ZNF469: variants seen among roughly 807,000 people sequenced by gnomAD.
ZNF469 encodes the protein zinc finger protein 469.
A neutral mutation model predicts 1.0 loss-of-function variants in ZNF469; 1 was observed. The observed-to-expected ratio is 1.00, with a 90% CI of 0.35 to 4.73. The LOEUF is 4.73. Among genes scored for constraint, ZNF469 ranks in the 30% most tolerant of loss-of-function variants. The pLI, the probability that ZNF469 is intolerant of heterozygous loss-of-function variation, is 0.16. For missense variants in ZNF469, 6,100 were observed against 5,356.3 expected (o/e 1.14, Z -4.33); for synonymous variants, 2,703 against 2,363.4 (o/e 1.14, Z -4.17).
chr16:88,275,213 C>T, the ZNF469 span, among the ~76,000 whole-genome samples: 1,267 of 152,286 alleles, frequency 8.3e-3, 21 homozygotes, highest in African/African-American at 0.029. Flanking sequence ...GCTGACAGTC[C>T]GAACGATCCT....
chr16:88,130,675 C>T, the ZNF469 span, among the ~76,000 whole-genome samples: 1 of 148,894 alleles, frequency 6.7e-6, no homozygotes, highest in Non-Finnish European at 1.5e-5. Flanking sequence ...CATTGCACTC[C>T]AGCCTGGGCC....
At chr16:88,148,614 G>A in the ZNF469 span, among the ~76,000 whole-genome samples, 1 of 152,150 alleles carries the variant, frequency 6.6e-6, no homozygotes, top group Non-Finnish European at 1.5e-5. Flanking sequence ...CAGGTCACTG[G>A]TGTCCTTGAG....
At chr16:88,301,676 A>T in the ZNF469 span, among the ~76,000 whole-genome samples, 1 of 152,146 alleles carries the variant, frequency 6.6e-6, no homozygotes, top group East Asian at 1.9e-4. Flanking sequence ...TGGTCATGAG[A>T]TGCCGTCCCT....
chr16:88,131,505 G>A, the ZNF469 span, among the ~76,000 whole-genome samples: 1 of 104,846 alleles, frequency 9.5e-6, no homozygotes, highest in African/African-American at 4.6e-5. Context: ...TCTCGGCGCT[G>A]CCTTCCCGGG....
the ZNF469 span, among the ~76,000 whole-genome samples, chr16:88,295,979 G>A: frequency 1.3e-5 from 2 of 152,174 alleles, no homozygotes; most frequent in Admixed American, 1.3e-4. Flanking sequence ...CTTGGATGTC[G>A]CGCCATCCCT....
At chr16:88,254,532 C>T in the ZNF469 span, among the ~76,000 whole-genome samples, 2 of 152,022 alleles carry the variant, frequency 1.3e-5, no homozygotes, top group Non-Finnish European at 2.9e-5. Context: ...CCGAGGTGGG[C>T]AGATCACTCG....
the ZNF469 span, among the ~76,000 whole-genome samples, chr16:88,284,031 C>CTGAGGTCTGT: frequency 5.7e-5 from 4 of 70,384 alleles, no homozygotes; most frequent in African/African-American, 3.1e-4. Flanking sequence ...CCAGTGTGTC[C>CTGAGGTCTGT]GGAGTGCCTG....
the ZNF469 span, among the ~76,000 whole-genome samples, chr16:88,128,598 T>C: frequency 0.8 from 120,926 of 152,104 alleles, 49,285 homozygotes; most frequent in Middle Eastern, 0.9. Flanking sequence ...AGCCCACAGC[T>C]CAGACAAGAG....
At chr16:88,307,014 C>T in the ZNF469 span, among the ~76,000 whole-genome samples, 5 of 152,230 alleles carry the variant, frequency 3.3e-5, no homozygotes, top group African/African-American at 1.2e-4. Flanking sequence ...CCCCCTACTT[C>T]TACCCCGGTC....
chr16:88,418,235 C>G (rs949698373), intron 1 of ZNF469, among the ~76,000 whole-genome samples: 1 of 152,142 alleles, frequency 6.6e-6, no homozygotes, highest in Non-Finnish European at 1.5e-5. Context: ...TCTACAGAGC[C>G]GGGACCAACA....
the ZNF469 span, among the ~76,000 whole-genome samples, chr16:88,358,048 C>CT: frequency 6.6e-6 from 1 of 152,234 alleles, no homozygotes; most frequent in Admixed American, 6.5e-5. Context: ...ACGCGGGGGG[C>CT]TGGGCCAGAT....
At chr16:88,192,616 G>C in the ZNF469 span, among the ~76,000 whole-genome samples, 1 of 152,296 alleles carries the variant, frequency 6.6e-6, no homozygotes, top group Non-Finnish European at 1.5e-5. Context: ...AGTCACACAT[G>C]ATGAGGACAG....
chr16:88,418,592 T>C (rs1905367017), intron 1 of ZNF469, among the ~76,000 whole-genome samples: 2 of 151,594 alleles, frequency 1.3e-5, no homozygotes, highest in Non-Finnish European at 2.9e-5. Flanking sequence ...TCATTTTCTT[T>C]CCCCATGTGC....
In ZNF469 at chr16:88,433,071, C is replaced by A. The variant is rs1230506810; in HGVS notation, c.5601C>A (p.Ala1867=). 1.9e-6 allele frequency: 3 copies of A among 1,550,152 alleles called. No individual in the cohort carries two copies. In the Admixed American group the frequency reaches 5.9e-5, roughly 30 times the overall value. Residue 1867 remains alanine, a synonymous_variant, in exon 3 of 3, where the codon GCC becomes GCA. Transcript: ENST00000565624. The part of the protein sequence containing the change: ...FAPAGASSLT[A]PRGREAWLVP... ...CGGCGGGGGCCTCCTCACTGACTGC[C>A]CCCCGGGGCAGGGAGGCTTGGTTGG... is the stretch of plus-strand genomic sequence containing the variant.
chr16:88,431,295 C>A lies in ZNF469; in HGVS notation c.3825C>A (p.Thr1275=), dbSNP rs1239071722. ...PEQPPPSRHD[T]GTPKPSGSLA... ...AGCCGCCGCCCAGCAGACATGACAC[C>A]GGCACCCCCAAGCCGTCGGGAAGCC... Residue 1275 remains threonine (T), a synonymous_variant, in exon 3 of 3, where the codon ACC becomes ACA. Coordinates refer to ENST00000565624, the MANE Select transcript of ZNF469 (RefSeq NM_001367624.2). The A allele has an allele frequency of 1.3e-5, 20 of 1,550,026 alleles. No homozygotes were observed. Among genetic ancestry groups the A allele is most frequent in the Non-Finnish European group, 1.7e-5 (19 of 1,146,920 alleles).
At chr16:88,336,840 C>T in the ZNF469 span, among the ~76,000 whole-genome samples, 1 of 152,202 alleles carries the variant, frequency 6.6e-6, no homozygotes, top group African/African-American at 2.4e-5. Context: ...CAAAACAAAC[C>T]CCATACCCAT....
chr16:88,112,275 A>T, the ZNF469 span, among the ~76,000 whole-genome samples: 1 of 152,084 alleles, frequency 6.6e-6, no homozygotes, highest in Non-Finnish European at 1.5e-5. Context: ...TGATAGATGG[A>T]TTCCTTTCTT....
At chr16:88,271,651 C>G in the ZNF469 span, among the ~76,000 whole-genome samples, 1,103 of 146,704 alleles carry the variant, frequency 7.5e-3, 14 homozygotes, top group African/African-American at 0.026. Flanking sequence ...CAGGAATCAA[C>G]AAAGGGTCAG....
rs973754695 is a variant in ZNF469, at chr16:88,435,972, T to C, written c.8502T>C (p.Pro2834=). The C allele has an allele frequency of 3.2e-6, 5 of 1,549,484 alleles. No individual in the cohort carries two copies. The African/African-American group carries it at 6.8e-5, about 21-fold the overall frequency. ...NPDTQGGVQG[P]EGPTPDASGS... Reference sequence around the variant, plus strand: ...ACACCCAGGGTGGAGTCCAGGGGCCTGAAGGCCCCACTCCTGATGCCTCTG... The same window carrying C: ...ACACCCAGGGTGGAGTCCAGGGGCCCGAAGGCCCCACTCCTGATGCCTCTG... The change falls in exon 3 of 3, where the codon CCT becomes CCC. Residue 2834 remains proline (P), a synonymous_variant. Transcript: ENST00000565624.
Sources: gnomAD v4.1 joint callset for allele counts (sites outside exome capture counted in the v4.1 genomes callset) on GRCh38, gnomAD v4.1.1 for gene constraint, MANE v1.5 for transcripts, NCBI Gene and HGNC (gene_info 2026-07-23, HGNC 2026-07-21) for gene names.